The following PVT1 variants were observed in gnomAD, a reference collection of about 807,000 sequenced individuals.
The protein encoded by PVT1 is CXCR4/PVT1 fusion.
intron 3 of PVT1, among the ~76,000 whole-genome samples, chr8:127,959,988 C>T (rs1028609991): frequency 2.0e-5 from 3 of 152,208 alleles, no homozygotes; most frequent in Admixed American, 1.3e-4. Context: ...TGGCCTTCCC[C>T]GGATGCAGTA....
chr8:127,929,199 GTTT>G (rs34027484), intron 3 of PVT1, among the ~76,000 whole-genome samples: 47,695 of 138,010 alleles, frequency 0.35, 7,763 homozygotes, highest in East Asian at 0.48. Context: ...TCATTTTTCT[GTTT>G]TTTTTTTTTT....
chr8:127,880,878 C>T (rs999841054), intron 2 of PVT1, among the ~76,000 whole-genome samples: 11 of 152,216 alleles, frequency 7.2e-5, no homozygotes, highest in Admixed American at 5.9e-4. Flanking sequence ...GGATTACAGG[C>T]GTGAGCCACT....
intron 4 of PVT1, among the ~76,000 whole-genome samples, chr8:128,041,587 T>A (rs1366184268): frequency 7.0e-6 from 1 of 143,032 alleles, no homozygotes; most frequent in African/African-American, 2.6e-5. Context: ...TTTGTGTGTG[T>A]TTGCGTGTGT....
At chr8:127,958,358 G>T (rs1191564533) in intron 3 of PVT1, among the ~76,000 whole-genome samples, 3 of 151,924 alleles carry the variant, frequency 2.0e-5, no homozygotes, top group Non-Finnish European at 4.4e-5. Context: ...TCCTGCCTCA[G>T]CCCCCCGAGT....
intron 3 of PVT1, among the ~76,000 whole-genome samples, chr8:127,957,060 A>G (rs1816578794): frequency 6.6e-6 from 1 of 152,152 alleles, no homozygotes; most frequent in Admixed American, 6.5e-5. Flanking sequence ...TTTTCAAACA[A>G]CTTTTCAACC....
intron 3 of PVT1, among the ~76,000 whole-genome samples, chr8:127,893,880 C>T (rs1443995438): frequency 4.6e-5 from 7 of 152,190 alleles, no homozygotes; most frequent in South Asian, 4.1e-4. Flanking sequence ...CCTAGTGGCT[C>T]GCACACTCAT....
At chr8:127,797,756 G>A (rs1338565898) in intron 2 of PVT1, among the ~76,000 whole-genome samples, 2 of 152,206 alleles carry the variant, frequency 1.3e-5, no homozygotes, top group East Asian at 1.9e-4. Context: ...ATAATGAAAT[G>A]TCTAGCAATG....
At chr8:127,960,257 T>C (rs1446625313) in intron 3 of PVT1, among the ~76,000 whole-genome samples, 4 of 152,140 alleles carry the variant, frequency 2.6e-5, no homozygotes. Context: ...GCTGAGCCTC[T>C]GATGAATGGG....
chr8:127,911,590 GTTTCTCA>G (rs1254350024), intron 3 of PVT1, among the ~76,000 whole-genome samples: 1 of 152,246 alleles, frequency 6.6e-6, no homozygotes, highest in Non-Finnish European at 1.5e-5. Flanking sequence ...ATAAGCCTCT[GTTTCTCA>G]TCCTCGCTAC....
chr8:128,041,365 G>A (rs1383339914), intron 4 of PVT1, among the ~76,000 whole-genome samples: 1 of 148,116 alleles, frequency 6.8e-6, no homozygotes, highest in Non-Finnish European at 1.5e-5. Flanking sequence ...CTCATGTGTT[G>A]TTTGTGTTTG....
At chr8:127,817,490 T>TATATATACACATATATTTAAATA (rs1360329681) in intron 2 of PVT1, among the ~76,000 whole-genome samples, 1 of 127,364 alleles carries the variant, frequency 7.9e-6, no homozygotes, top group African/African-American at 3.1e-5. Context: ...TGTGTGTGTG[T>TATATATACACATATATTTAAATA]GTATATACAT....
In PVT1 at chr8:127,900,324, A is replaced by T. The variant is rs567846624; in HGVS notation, n.782+9326A>T. 1.1e-3 allele frequency among the ~76,000 whole-genome samples: 162 copies of T among 152,122 alleles called. 2 individuals are homozygous for T. Among genetic ancestry groups the T allele is most frequent in the Non-Finnish European group, 2.0e-3 (137 of 68,036 alleles). ...CCAAAGTGCTGGGATTACAGGCATGAGCCACCACACCCAGCCTGGATCATT... is the reference window on the plus strand; with the variant it reads ...CCAAAGTGCTGGGATTACAGGCATGTGCCACCACACCCAGCCTGGATCATT... On this transcript the variant is annotated intron_variant and non_coding_transcript_variant, in intron 3 of 10. Coordinates refer to ENST00000651587, the Ensembl canonical transcript of PVT1.
intron 2 of PVT1, among the ~76,000 whole-genome samples, chr8:127,819,199 C>T (rs921263011): frequency 6.6e-6 from 1 of 152,198 alleles, no homozygotes; most frequent in Non-Finnish European, 1.5e-5. Context: ...TGTAGAATCT[C>T]ATAGTACACG....
intron 3 of PVT1, among the ~76,000 whole-genome samples, chr8:127,934,470 G>T (rs997735563): frequency 7.2e-5 from 11 of 152,324 alleles, no homozygotes; most frequent in African/African-American, 2.6e-4. Flanking sequence ...GAGGAAGTTG[G>T]TCTGAAAGTG....
At chr8:127,997,740 AT>A (rs1471200739) in intron 4 of PVT1, among the ~76,000 whole-genome samples, 1 of 152,246 alleles carries the variant, frequency 6.6e-6, no homozygotes, top group Non-Finnish European at 1.5e-5. Flanking sequence ...ATTTGCCACA[AT>A]TAATGGACCA....
At chr8:127,985,039 C>CTTCCT (rs1554602258) in intron 3 of PVT1, among the ~76,000 whole-genome samples, 22 of 104,598 alleles carry the variant, frequency 2.1e-4, no homozygotes, top group African/African-American at 7.5e-4. Context: ...CCTTCCTTTC[C>CTTCCT]TTCTTTTTTT....
intron 1 of PVT1, chr8:127,795,754 A>G (rs1223039078): frequency 6.5e-6 from 1 of 153,746 alleles, no homozygotes; most frequent in Non-Finnish European, 1.5e-5. Context: ...TTTCAGACCT[A>G]TTTTGCATAC....
intron 3 of PVT1, chr8:127,940,176 A>G (rs1816330631): frequency 6.6e-6 from 1 of 152,112 alleles, no homozygotes; most frequent in Non-Finnish European, 1.5e-5. Flanking sequence ...CCCAACCCCT[A>G]TGTTAGTTCA....
intron 3 of PVT1, chr8:127,960,679 C>G (rs535489248): frequency 5.1e-5 from 27 of 527,144 alleles, no homozygotes; most frequent in South Asian, 3.6e-4. Context: ...TCCTGTCAAC[C>G]CTGTTCTGGA....
Sources: gnomAD v4.1 joint callset for allele counts (sites outside exome capture counted in the v4.1 genomes callset) on GRCh38, gnomAD v4.1.1 for gene constraint, MANE v1.5 for transcripts, NCBI Gene and HGNC (gene_info 2026-07-23, HGNC 2026-07-21) for gene names.